The following ARHGEF37 variants were observed in gnomAD, a reference collection of about 807,000 sequenced individuals.
ARHGEF37 encodes Rho guanine nucleotide exchange factor (GEF) 37.
In ARHGEF37, 55 loss-of-function variants were observed where a neutral mutation model predicts 71.1. The observed-to-expected ratio is 0.77, with a 90% CI of 0.62 to 0.97. The LOEUF (loss-of-function observed/expected upper bound fraction) is 0.97. Among genes scored for constraint, ARHGEF37 ranks in the 50% least tolerant of loss-of-function variants. The pLI is 0.00. For synonymous variants in ARHGEF37, 327 were observed against 350.6 expected, an observed-to-expected ratio of 0.93 and a Z score of 0.75; for missense variants, 765 against 836.8, an observed-to-expected ratio of 0.91 and a Z score of 1.06.
intron 1 of ARHGEF37, among the ~76,000 whole-genome samples, chr5:149,570,899 C>T (rs1762955190): frequency 6.6e-6 from 1 of 151,696 alleles, no homozygotes; most frequent in Non-Finnish European, 1.5e-5. Context: ...GTTTAACTTA[C>T]ATTGTACACA....
intron 1 of ARHGEF37, among the ~76,000 whole-genome samples, chr5:149,596,595 G>A (rs1371498597): frequency 2.0e-5 from 3 of 152,132 alleles, no homozygotes; most frequent in Non-Finnish European, 2.9e-5. Flanking sequence ...GTGAGCCACC[G>A]CACCCGGGCC....
intron 1 of ARHGEF37, among the ~76,000 whole-genome samples, chr5:149,568,427 T>C (rs1026517078): frequency 7.2e-5 from 11 of 152,208 alleles, no homozygotes; most frequent in Non-Finnish European, 8.8e-5. Context: ...TATTTATTTA[T>C]AATGTTTTGA....
chr5:149,581,575 G>C lies in ARHGEF37; in HGVS notation c.-61G>C, dbSNP rs958902892. ...TCCTGCCCCGGCTGCGCTGTTGCCC[G>C]GGCGGCCGACCTCCGTGCGTGAGCG... On this transcript the variant is annotated 5_prime_UTR_variant, in exon 1 of 13. Transcript: ENST00000333677. 2 of 152,064 alleles carry C rather than the reference G, an allele frequency of 1.3e-5. No individual in the cohort carries two copies. The highest frequency in any genetic ancestry group is 2.1e-4 in the South Asian group (1 of 4,830). 9.4% of individuals were successfully genotyped at this position (152,064 alleles called of 1,614,324 possible). A position where few individuals can be genotyped will look rare whatever the true frequency, so the allele number is the denominator to read the frequency against.
intron 1 of ARHGEF37, among the ~76,000 whole-genome samples, chr5:149,592,396 A>G (rs35237101): frequency 0.026 from 3,991 of 152,322 alleles, 82 homozygotes; most frequent in Non-Finnish European, 0.041. Context: ...ATCACACAGT[A>G]TGTGACCTTT....
intron 1 of ARHGEF37, among the ~76,000 whole-genome samples, chr5:149,562,945 T>C (rs1190580244): frequency 1.3e-5 from 2 of 152,222 alleles, no homozygotes; most frequent in Non-Finnish European, 1.5e-5. Flanking sequence ...TTGGCTCATT[T>C]ACATAGTTCA....
chr5:149,554,590 A>G (rs1035762916), intron 1 of ARHGEF37, among the ~76,000 whole-genome samples: 4 of 152,144 alleles, frequency 2.6e-5, no homozygotes, highest in African/African-American at 9.7e-5. Flanking sequence ...TAGCCTTTTC[A>G]AATGTGATTT....
Position 149,628,924 on chromosome 5 carries a change from G to C in ARHGEF37, c.1776G>C (p.Glu592Asp), listed in dbSNP as rs1034704463. 12 of 1,612,958 alleles carry C rather than the reference G, an allele frequency of 7.4e-6. No individual in the cohort carries two copies. Among genetic ancestry groups the C allele is most frequent in the Non-Finnish European group, 1.0e-5 (12 of 1,179,970 alleles). Residue 592 changes from glutamate to aspartate, a missense_variant, in exon 12 of 13, where the codon GAG becomes GAC. Coordinates refer to ENST00000333677, the MANE Select transcript of ARHGEF37 (RefSeq NM_001001669.3). ...LNKDPRCLTPEPSPALVPSIP... is the reference protein window; with the variant it reads ...LNKDPRCLTPDPSPALVPSIP... ...AAGACCCCCGATGTCTAACACCGGA[G>C]CCCAGCCCAGCTCTAGTGCCCTCTA...
At chr5:149,591,270 C>T (rs1386135139) in intron 1 of ARHGEF37, among the ~76,000 whole-genome samples, 1 of 152,018 alleles carries the variant, frequency 6.6e-6, no homozygotes, top group African/African-American at 2.4e-5. Flanking sequence ...AATACTTCTG[C>T]AGCAAGCTAT....
intron 1 of ARHGEF37, among the ~76,000 whole-genome samples, chr5:149,574,294 A>G (rs994568619): frequency 1.3e-5 from 2 of 152,226 alleles, no homozygotes; most frequent in Non-Finnish European, 1.5e-5. Flanking sequence ...AAAATCAAAT[A>G]TTACAATCAT....
intron 3 of ARHGEF37, among the ~76,000 whole-genome samples, chr5:149,605,867 G>A (rs1423701545): frequency 1.3e-5 from 2 of 152,112 alleles, no homozygotes; most frequent in Non-Finnish European, 2.9e-5. Context: ...TAGAGCCCTA[G>A]GTCTTGACCA....
chr5:149,609,219 G>A (rs1764001537), intron 3 of ARHGEF37, among the ~76,000 whole-genome samples: 1 of 151,182 alleles, frequency 6.6e-6, no homozygotes, highest in African/African-American at 2.4e-5. Flanking sequence ...CAAGCTAATG[G>A]TTGAGTGTAT....
chr5:149,625,413 A>C (rs1465557207), intron 10 of ARHGEF37, among the ~76,000 whole-genome samples: 1 of 152,172 alleles, frequency 6.6e-6, no homozygotes, highest in East Asian at 1.9e-4. Context: ...GAAGAGTCAG[A>C]AGACAGCCCT....
rs1038732919 is a variant in ARHGEF37, at chr5:149,620,219, C to G, written c.895-135C>G. Reference sequence around the variant, plus strand: ...CACTTAAGCTGTGTGAGAATAGAATCAGCTGTGTGTGTCCCTCTCATTGGG... The same window carrying G: ...CACTTAAGCTGTGTGAGAATAGAATGAGCTGTGTGTGTCCCTCTCATTGGG... On this transcript the variant is annotated intron_variant, in intron 7 of 12. Transcript: ENST00000333677. The G allele has an allele frequency of 1.2e-5, 7 of 566,128 alleles. No individual in the cohort carries two copies. The Admixed American group carries it at 2.2e-4, about 18-fold the overall frequency. 35.1% of individuals were successfully genotyped at this position (566,128 alleles called of 1,614,324 possible). A position where few individuals can be genotyped will look rare whatever the true frequency, so the allele number is the denominator to read the frequency against.
intron 1 of ARHGEF37, among the ~76,000 whole-genome samples, chr5:149,564,318 T>C (rs976520800): frequency 7.2e-5 from 11 of 152,188 alleles, no homozygotes; most frequent in African/African-American, 2.4e-4. Context: ...TTCATTGTTT[T>C]AAATTTTAGA....
At chr5:149,555,989 AT>A (rs1561780288) in intron 1 of ARHGEF37, among the ~76,000 whole-genome samples, 1 of 151,980 alleles carries the variant, frequency 6.6e-6, no homozygotes, top group East Asian at 1.9e-4. Flanking sequence ...AACAAAAACC[AT>A]TTTTTTAAGC....
chr5:149,617,038 G>T (rs1274119833), intron 5 of ARHGEF37, among the ~76,000 whole-genome samples: 1 of 152,104 alleles, frequency 6.6e-6, no homozygotes, highest in Non-Finnish European at 1.5e-5. Flanking sequence ...ACTCACAGCT[G>T]CACACCACAC....
chr5:149,609,510 A>G (rs1230330898), intron 3 of ARHGEF37, 38 bp from the exon 4 acceptor site: 2 of 1,609,716 alleles, frequency 1.2e-6, no homozygotes, highest in South Asian at 1.1e-5. Context: ...ACACACAGAC[A>G]TGCCCTTGAC....
Position 149,633,970 on chromosome 5 carries a change from G to A in ARHGEF37, c.*1779G>A, listed in dbSNP as rs1289227168. On this transcript the variant is annotated 3_prime_UTR_variant, in exon 13 of 13. Coordinates refer to ENST00000333677, the MANE Select transcript of ARHGEF37 (RefSeq NM_001001669.3). ...ATTTCTGATAAAAATAGAGAGCATA[G>A]GGGAACAGATAATGAAATAGGAAAC... 6.6e-6 allele frequency: 1 copy of A among 152,190 alleles called. No individual in the cohort carries two copies. Among genetic ancestry groups the A allele is most frequent in the Admixed American group, 6.5e-5 (1 of 15,280 alleles). 9.4% of individuals were successfully genotyped at this position (152,190 alleles called of 1,614,324 possible).
intron 4 of ARHGEF37, among the ~76,000 whole-genome samples, chr5:149,611,627 A>ATCTAG (rs1258379584): frequency 2.0e-5 from 3 of 152,216 alleles, no homozygotes; most frequent in Non-Finnish European, 4.4e-5. Flanking sequence ...ATGTCTCAGG[A>ATCTAG]TCTAGTTTCC....
Sources: gnomAD v4.1 joint callset for allele counts (sites outside exome capture counted in the v4.1 genomes callset) on GRCh38, gnomAD v4.1.1 for gene constraint, MANE v1.5 for transcripts, NCBI Gene and HGNC (gene_info 2026-07-23, HGNC 2026-07-21) for gene names.